Variants in SELENON observed in about 807,000 individuals in gnomAD.
SELENON encodes selenoprotein N, also known as selenoprotein N, 1.
In SELENON, 44 loss-of-function variants were observed where a neutral mutation model predicts 59.5. The observed-to-expected ratio is 0.74, with a 90% CI of 0.58 to 0.95. The LOEUF is 0.95. Among genes scored for constraint, SELENON ranks in the 40% least tolerant of loss-of-function variants. The probability of loss-of-function intolerance (pLI) is 0.00; values close to 1 mark genes in which losing one functional copy is unlikely to be tolerated. For missense variants in SELENON, 674 were observed against 721.4 expected (o/e 0.93, Z 0.75); for synonymous variants, 320 against 305.6 (o/e 1.05, Z -0.49).
At position 25,802,900 on chromosome 1, in the gene SELENON, A is replaced by G. The variant is rs74447340; in HGVS notation, c.403+783A>G. Among the ~76,000 whole-genome samples, 31 of 152,328 alleles carry G rather than the reference A, an allele frequency of 2.0e-4. No individual in the cohort carries two copies. In the East Asian group the frequency reaches 5.8e-3, roughly 28 times the overall value. On this transcript the variant is annotated intron_variant, in intron 3 of 12. Coordinates refer to ENST00000361547, the MANE Select transcript of SELENON (RefSeq NM_020451.3). ...GGTGTAAGTCAGTCATTGATGGGAAAGGCAAGAGAGACATGCTGGCTGTTT... is the reference window on the plus strand; with the variant it reads ...GGTGTAAGTCAGTCATTGATGGGAAGGGCAAGAGAGACATGCTGGCTGTTT...
intron 4 of SELENON, among the ~76,000 whole-genome samples, chr1:25,808,247 C>T (rs1445140127): frequency 6.6e-6 from 1 of 152,212 alleles, no homozygotes; most frequent in African/African-American, 2.4e-5. Flanking sequence ...CAGAGCCCCA[C>T]CATCCCCATT....
At chr1:25,803,474 T>G (rs2047876997) in intron 3 of SELENON, among the ~76,000 whole-genome samples, 1 of 152,128 alleles carries the variant, frequency 6.6e-6, no homozygotes, top group Non-Finnish European at 1.5e-5. Context: ...CCCTTAAAAT[T>G]TTTACAAATT....
chr1:25,813,378 A>G (rs2047983292), intron 10 of SELENON, among the ~76,000 whole-genome samples: 1 of 152,204 alleles, frequency 6.6e-6, no homozygotes, highest in South Asian at 2.1e-4. Flanking sequence ...CCTGCCCTCA[A>G]AGGGGGAGAC....
Position 25,809,204 on chromosome 1 carries a change from C to G in SELENON, c.872+54C>G, listed in dbSNP as rs1283056124. The G allele has an allele frequency of 6.8e-6, 11 of 1,611,298 alleles. No homozygotes were observed. The Admixed American group carries it at 1.8e-4, about 27-fold the overall frequency. On this transcript the variant is annotated intron_variant, in intron 6 of 12. Coordinates refer to ENST00000361547, the MANE Select transcript of SELENON (RefSeq NM_020451.3). The stretch of plus-strand genomic sequence containing the variant: ...GCACCGGGGAGGCATGACGGTACAG[C>G]GCCCAGAGGGGAGGGCCCAGCTTGA...
Position 25,809,938 on chromosome 1 carries a change from T to C in SELENON, c.1010+118T>C, listed in dbSNP as rs560216003. Reference sequence around the variant, plus strand: ...CCCTTCCTTTGCTCCCCAGAGCCCATCTCATGGGGCTGACGTGGCAGGAGG... The same window carrying C: ...CCCTTCCTTTGCTCCCCAGAGCCCACCTCATGGGGCTGACGTGGCAGGAGG... On this transcript the variant is annotated intron_variant, in intron 7 of 12. Coordinates refer to ENST00000361547, the MANE Select transcript of SELENON (RefSeq NM_020451.3). 5 of 1,322,874 alleles carry C rather than the reference T, an allele frequency of 3.8e-6. No individual in the cohort carries two copies. The South Asian group carries it at 5.9e-5, about 16-fold the overall frequency. The allele number at this position is 1,322,874 out of a possible 1,614,324, so 81.9% of individuals were successfully genotyped here.
rs1320509658 is a variant in SELENON, at chr1:25,800,264, C to T, written c.34C>T (p.Pro12Ser). Residue 12 changes from proline (P) to serine (S), a missense_variant, in exon 1 of 13, where the codon CCC (proline) becomes TCC (serine). By Grantham distance (74) the Pro-to-Ser change is moderately conservative (BLOSUM62 -1). Coordinates refer to ENST00000361547, the MANE Select transcript of SELENON (RefSeq NM_020451.3). ...GGCCCGGCCGGGCCAACGCGGGCCGCCCAGCCCCGGCCCCGCCGCGCAGCC... is the reference window on the plus strand; with the variant it reads ...GGCCCGGCCGGGCCAACGCGGGCCGTCCAGCCCCGGCCCCGCCGCGCAGCC... 2 of 950,884 alleles carry T rather than the reference C, an allele frequency of 2.1e-6. No homozygotes were observed. Among genetic ancestry groups the T allele is most frequent in the Non-Finnish European group, 2.5e-6 (2 of 800,916 alleles). 58.9% of individuals were successfully genotyped at this position (950,884 alleles called of 1,614,324 possible).
Position 25,805,219 on chromosome 1 carries a change from C to G in SELENON, c.481C>G (p.Arg161Gly). Residue 161 changes from arginine (R) to glycine (G), a missense_variant, in exon 4 of 13, where the codon CGA (arginine) becomes GGA (glycine). Transcript: ENST00000361547. Reference sequence around the variant, plus strand: ...CGAGGAGACGCTCACCATAGAAGCCCGATTCCAGCCTCTGCTCCCGGAGAC... The same window carrying G: ...CGAGGAGACGCTCACCATAGAAGCCGGATTCCAGCCTCTGCTCCCGGAGAC... 2 of 1,614,152 alleles carry G rather than the reference C, an allele frequency of 1.2e-6. No individual in the cohort carries two copies. Among genetic ancestry groups the G allele is most frequent in the Non-Finnish European group, 8.5e-7 (1 of 1,180,022 alleles).
chr1:25,815,115 G>A (rs1037572995), intron 12 of SELENON, among the ~76,000 whole-genome samples: 16 of 152,190 alleles, frequency 1.1e-4, no homozygotes, highest in African/African-American at 3.9e-4. Flanking sequence ...CAGGCACAAA[G>A]ATAAAGACAC....
At position 25,805,135 on chromosome 1, in the gene SELENON, C is replaced by G; in HGVS notation, c.404-7C>G. 1 of 1,613,180 alleles carries G rather than the reference C, an allele frequency of 6.2e-7. No individual in the cohort carries two copies. Among genetic ancestry groups the G allele is most frequent in the Non-Finnish European group, 8.5e-7 (1 of 1,179,998 alleles). ...GGCAGTGCCTCTCCGATGTCTGTGT[C>G]TCATAGGGTCAACTCCCGCGGCCAG... On this transcript the variant is annotated splice_polypyrimidine_tract_variant and splice_region_variant and intron_variant, in intron 3 of 12. Transcript: ENST00000361547.
rs1356707964 is a variant in SELENON, at chr1:25,809,835, C to T, written c.1010+15C>T. On this transcript the variant is annotated intron_variant, in intron 7 of 12. Transcript: ENST00000361547. ...CCCAACCACAGGTGGGAGCTTGACCCTGGCCCAGCCTTGGCTCCCTCCTAC... is the reference window on the plus strand; with the variant it reads ...CCCAACCACAGGTGGGAGCTTGACCTTGGCCCAGCCTTGGCTCCCTCCTAC... 1 of 1,612,216 alleles carries T rather than the reference C, an allele frequency of 6.2e-7. No homozygotes were observed. Among genetic ancestry groups the T allele is most frequent in the Non-Finnish European group, 8.5e-7 (1 of 1,179,994 alleles).
intron 3 of SELENON, among the ~76,000 whole-genome samples, chr1:25,803,766 C>G (rs896530636): frequency 6.7e-6 from 1 of 149,766 alleles, no homozygotes; most frequent in South Asian, 2.1e-4. Flanking sequence ...CTGGAGTGCT[C>G]GGCTCACTGC....
rs2048015465 is a variant in SELENON, at chr1:25,816,845, C to T, written c.*1127C>T. The T allele has an allele frequency of 2.0e-5, 3 of 152,698 alleles. No homozygotes were observed. The South Asian group carries it at 6.2e-4, about 32-fold the overall frequency. The allele number at this position is 152,698 out of a possible 1,614,324, so 9.5% of individuals were successfully genotyped here. A position where few individuals can be genotyped will look rare whatever the true frequency, so the allele number is the denominator to read the frequency against. The stretch of plus-strand genomic sequence containing the variant: ...CCCCATGATGGCTGAATCCGAAATC[C>T]TCGATGGGTCCAGCTTGATGTCTTT... On this transcript the variant is annotated 3_prime_UTR_variant, in exon 13 of 13. Coordinates refer to ENST00000361547, the MANE Select transcript of SELENON (RefSeq NM_020451.3).
In SELENON at chr1:25,808,737, C is replaced by G; in HGVS notation, c.695C>G (p.Thr232Ser). Residue 232 changes from threonine to serine, a missense_variant, in exon 5 of 13, where the codon ACT (threonine) becomes AGT (serine). Physicochemically the swap from Thr to Ser is moderately conservative, Grantham distance 58 (BLOSUM62 1). Transcript: ENST00000361547. Reference sequence around the variant, plus strand: ...ATCCCCAGTGAGCTGAGCATGTTCACTGGCTACCTGTCCAACAACCGCTTC... The same window carrying G: ...ATCCCCAGTGAGCTGAGCATGTTCAGTGGCTACCTGTCCAACAACCGCTTC... 6.2e-7 allele frequency: 1 copy of G among 1,614,068 alleles called. No homozygotes were observed. The highest frequency in any genetic ancestry group is 8.5e-7 in the Non-Finnish European group (1 of 1,179,994).
At position 25,811,867 on chromosome 1, in the gene SELENON, C is replaced by T. The variant is rs976313640; in HGVS notation, c.1269C>T (p.Tyr423=). The T allele has an allele frequency of 1.6e-5, 25 of 1,565,338 alleles. No individual in the cohort carries two copies. Among genetic ancestry groups the T allele is most frequent in the Admixed American group, 1.9e-5 (1 of 52,672 alleles). ...CCCGGCGCCTGGAGGTGGCCATGTA[C>T]CCCTTCAAGAAGGTGAGGCTGGGCA... Residue 423 remains tyrosine (Y), a synonymous_variant, in exon 9 of 13, where the codon TAC becomes TAT. Coordinates refer to ENST00000361547, the MANE Select transcript of SELENON (RefSeq NM_020451.3).
Position 25,809,671 on chromosome 1 carries a change from C to T in SELENON, c.873-12C>T. ...TGGGCAGCTCTGGTGCAGCAGATCC[C>T]CTTCCCCACAGGATCCATGCCGAGT... is the stretch of plus-strand genomic sequence containing the variant. On this transcript the variant is annotated splice_polypyrimidine_tract_variant and intron_variant, in intron 6 of 12. Coordinates refer to ENST00000361547, the MANE Select transcript of SELENON (RefSeq NM_020451.3). 2 of 1,613,566 alleles carry T rather than the reference C, an allele frequency of 1.2e-6. No individual in the cohort carries two copies. The highest frequency in any genetic ancestry group is 1.7e-5 in the Admixed American group (1 of 60,012).
chr1:25,815,268 G>A (rs745322116), intron 12 of SELENON, among the ~76,000 whole-genome samples: 3 of 152,058 alleles, frequency 2.0e-5, no homozygotes, highest in Non-Finnish European at 2.9e-5. Context: ...GGGTCATTTC[G>A]GGGGGCGGGG....
chr1:25,807,477 G>C lies in SELENON; in HGVS notation c.538-1103G>C, dbSNP rs942513811. ...CATCTCCATGGATTTGGCAGTGATG[G>C]GCTGGTCTGAGCAGATAAGTCCGCA... On this transcript the variant is annotated intron_variant, in intron 4 of 12. Coordinates refer to ENST00000361547, the MANE Select transcript of SELENON (RefSeq NM_020451.3). The surrounding 1 kb of genome is among the most constrained non-coding windows in gnomAD (Gnocchi z 4.5). Among the ~76,000 whole-genome samples the C allele has an allele frequency of 4.6e-5, 7 of 152,196 alleles. No homozygotes were observed. Among genetic ancestry groups the C allele is most frequent in the African/African-American group, 1.7e-4 (7 of 41,456 alleles).
chr1:25,810,448 T>G (rs142021988), intron 7 of SELENON, among the ~76,000 whole-genome samples: 1 of 152,170 alleles, frequency 6.6e-6, no homozygotes, highest in African/African-American at 2.4e-5. Flanking sequence ...TCCTAACTGA[T>G]AGCAAGTGGC....
At position 25,801,106 on chromosome 1, in the gene SELENON, G is replaced by A. The variant is rs774811284; in HGVS notation, c.247G>A (p.Gly83Arg). 7.4e-6 allele frequency: 12 copies of A among 1,614,042 alleles called. No homozygotes were observed. In the South Asian group the frequency reaches 1.2e-4, roughly 16 times the overall value. The change falls in exon 2 of 13, where the codon GGG becomes AGG. Residue 83 changes from glycine to arginine, a missense_variant. Transcript: ENST00000361547. ...TCTCTTTTCCTCCTTGGACACTGAC[G>A]GGGATATGTACATCAGCCCTGAGGA...
Sources: allele counts gnomAD v4.1 joint callset (sites outside exome capture counted in the v4.1 genomes callset), GRCh38; gene constraint gnomAD v4.1.1; non-coding constraint Gnocchi (gnomAD v3.1); transcripts MANE v1.5; gene names NCBI Gene and HGNC (gene_info 2026-07-23, HGNC 2026-07-21).